LIN28B: variants seen among roughly 807,000 people sequenced by gnomAD.
LIN28B encodes lin-28 RNA binding posttranscriptional regulator B.
Under a neutral mutation model 21.9 loss-of-function variants are expected in LIN28B, and 5 were observed. That is an observed-to-expected ratio of 0.23 (90% CI 0.12 to 0.48). The LOEUF is 0.48. LIN28B is among the 20% of genes least tolerant of loss of function. LIN28B has a pLI of 0.98. For missense variants in LIN28B, 245 were observed against 310.5 expected (o/e 0.79, Z 1.58); for synonymous variants, 109 against 111.3 (o/e 0.98, Z 0.13).
At chr6:105,049,321 T>A (rs1319378686) in intron 3 of LIN28B, among the ~76,000 whole-genome samples, 1 of 152,140 alleles carries the variant, frequency 6.6e-6, no homozygotes, top group African/African-American at 2.4e-5. Flanking sequence ...TTTGAATGAG[T>A]TTGTTAATCC....
intron 3 of LIN28B, among the ~76,000 whole-genome samples, chr6:105,040,111 T>C (rs982206904): frequency 1.3e-5 from 2 of 152,166 alleles, no homozygotes; most frequent in Non-Finnish European, 2.9e-5. Context: ...ATATCAAAAA[T>C]GTTTTCAGCA....
chr6:104,982,416 A>G (rs1243611549), intron 2 of LIN28B, among the ~76,000 whole-genome samples: 1 of 152,228 alleles, frequency 6.6e-6, no homozygotes, highest in Non-Finnish European at 1.5e-5. Flanking sequence ...TTACAAATAA[A>G]TAGTTGTGTG....
chr6:104,955,001 T>C (rs1043431959), upstream of LIN28B, among the ~76,000 whole-genome samples: 2 of 152,256 alleles, frequency 1.3e-5, no homozygotes, highest in African/African-American at 4.8e-5. Flanking sequence ...ATCATTACTT[T>C]TATGTAAGTA....
intron 2 of LIN28B, among the ~76,000 whole-genome samples, chr6:104,987,452 T>C (rs1770370959): frequency 6.6e-6 from 1 of 152,134 alleles, no homozygotes; most frequent in Admixed American, 6.5e-5. Flanking sequence ...CAGTGGGTCC[T>C]GCCGCCTCAG....
chr6:104,950,556 T>G, intron 3 of LIN28B: 3 of 1,089,052 alleles, frequency 2.8e-6, no homozygotes, highest in South Asian at 9.3e-5. Context: ...ATTAATGTTT[T>G]AAAAGATCAA....
intron 3 of LIN28B, among the ~76,000 whole-genome samples, chr6:105,062,717 T>C (rs1772146354): frequency 3.3e-5 from 5 of 152,120 alleles, no homozygotes; most frequent in Admixed American, 3.3e-4. Flanking sequence ...GGTTCCAGCT[T>C]ATTGTTCTTG....
intron 2 of LIN28B, among the ~76,000 whole-genome samples, chr6:104,966,478 C>A (rs1370982030): frequency 6.6e-6 from 1 of 151,924 alleles, no homozygotes; most frequent in African/African-American, 2.4e-5. Context: ...TGTTTTGAGA[C>A]AGAGTATTGC....
At chr6:104,966,542 C>T (rs1031511524) in intron 2 of LIN28B, among the ~76,000 whole-genome samples, 4 of 151,232 alleles carry the variant, frequency 2.6e-5, no homozygotes, top group Middle Eastern at 3.4e-3. Context: ...CAACCTCAAA[C>T]TCCTGACTCA....
At chr6:104,945,214 CCT>C (rs1778142843) in intron 2 of LIN28B, among the ~76,000 whole-genome samples, 1 of 152,014 alleles carries the variant, frequency 6.6e-6, no homozygotes, top group African/African-American at 2.4e-5. Context: ...GTTATAATCT[CCT>C]CTGTTAGTTA....
At chr6:105,034,945 C>T (rs1404205604) in intron 3 of LIN28B, among the ~76,000 whole-genome samples, 2 of 151,918 alleles carry the variant, frequency 1.3e-5, no homozygotes, top group African/African-American at 2.4e-5. Flanking sequence ...TGCCCTCATT[C>T]AGTTTTAGAG....
At chr6:104,945,254 C>G (rs898027207) in intron 2 of LIN28B, among the ~76,000 whole-genome samples, 1 of 152,032 alleles carries the variant, frequency 6.6e-6, no homozygotes, top group Non-Finnish European at 1.5e-5. Flanking sequence ...TTTGCTATTA[C>G]ATTTATTACA....
rs550440932 is a variant in LIN28B, at chr6:105,018,521, C to T, written c.199-7777C>T. ...TCCATGCACTCAAAAATACACCTCA[C>T]GTGTAAAGCTTCTATAATGCTTCTG... On this transcript the variant is annotated intron_variant, in intron 2 of 3. Coordinates refer to ENST00000345080, the MANE Select transcript of LIN28B (RefSeq NM_001004317.4). Among the ~76,000 whole-genome samples, 49 of 152,252 alleles carry T rather than the reference C, an allele frequency of 3.2e-4. No individual in the cohort carries two copies. The South Asian group carries it at 8.9e-3, about 28-fold the overall frequency.
At position 105,079,704 on chromosome 6, in the gene LIN28B, A is replaced by G. The variant is rs899252978; in HGVS notation, c.*921A>G. ...ACAGCAGCTTCCCTTGGCTAACTCA[A>G]TCTTCTACCCATTGCTTAGAGCAGG... On this transcript the variant is annotated 3_prime_UTR_variant, in exon 4 of 4. Transcript: ENST00000345080. 2 of 152,434 alleles carry G rather than the reference A, an allele frequency of 1.3e-5. No homozygotes were observed. The highest frequency in any genetic ancestry group is 4.8e-5 in the African/African-American group (2 of 41,454). 9.4% of individuals were successfully genotyped at this position (152,434 alleles called of 1,614,324 possible). A position where few individuals can be genotyped will look rare whatever the true frequency, so the allele number is the denominator to read the frequency against.
At chr6:104,953,847 C>T (rs1466066997), upstream of LIN28B, among the ~76,000 whole-genome samples, 1 of 152,162 alleles carries the variant, frequency 6.6e-6, no homozygotes, top group Non-Finnish European at 1.5e-5. Context: ...CACAGCCCCT[C>T]CTCCTAGTTT....
At chr6:105,053,714 C>CATTTGTGTGTGTGTGTGTGT (rs61525783) in intron 3 of LIN28B, among the ~76,000 whole-genome samples, 1 of 147,274 alleles carries the variant, frequency 6.8e-6, no homozygotes, top group African/African-American at 2.5e-5. Context: ...TGTGTGGGTG[C>CATTTGTGTGTGTGTGTGTGT]GTGTGTGTGT....
At chr6:105,025,956 CAGAT>C (rs1181519333) in intron 2 of LIN28B, among the ~76,000 whole-genome samples, 1 of 152,048 alleles carries the variant, frequency 6.6e-6, no homozygotes, top group East Asian at 1.9e-4. Flanking sequence ...GATAGATGTT[CAGAT>C]AGATGTAATT....
chr6:104,942,581 T>C (rs972060907), intron 2 of LIN28B, among the ~76,000 whole-genome samples: 1 of 152,132 alleles, frequency 6.6e-6, no homozygotes, highest in Non-Finnish European at 1.5e-5. Context: ...TATGATAAAT[T>C]AACAGAAGAG....
chr6:105,043,811 G>A (rs1282411264), intron 3 of LIN28B, among the ~76,000 whole-genome samples: 2 of 151,990 alleles, frequency 1.3e-5, no homozygotes, highest in African/African-American at 2.4e-5. Context: ...CACAAGCCTA[G>A]GCTAGTCTCA....
At chr6:105,056,255 G>A (rs572965121) in intron 3 of LIN28B, among the ~76,000 whole-genome samples, 9 of 100,788 alleles carry the variant, frequency 8.9e-5, no homozygotes, top group East Asian at 7.9e-4. Context: ...CTTTTCATGC[G>A]TAGTAATTTT....
Sources: gnomAD v4.1 joint callset for allele counts (sites outside exome capture counted in the v4.1 genomes callset) on GRCh38, gnomAD v4.1.1 for gene constraint, MANE v1.5 for transcripts, NCBI Gene and HGNC (gene_info 2026-07-23, HGNC 2026-07-21) for gene names.